CSMD1: variants seen among roughly 807,000 people sequenced by gnomAD.
CSMD1 encodes CUB and Sushi multiple domains 1, also known as CUB and sushi domain-containing protein 1.
Under a neutral mutation model 417.5 loss-of-function variants are expected in CSMD1, and 213 were observed. The ratio of observed to expected loss-of-function variants is 0.51; its 90% confidence interval spans 0.46 to 0.57. The LOEUF is 0.57. Among genes scored for constraint, CSMD1 ranks in the 20% least tolerant of loss-of-function variants. The probability of loss-of-function intolerance (pLI) is 0.00; values close to 1 mark genes in which losing one functional copy is unlikely to be tolerated. For synonymous variants in CSMD1, 2,862 were observed against 1,736.8 expected (o/e 1.65, Z -16.11); for missense variants, 6,923 against 4,529.7 (o/e 1.53, Z -15.17).
intron 6 of CSMD1, among the ~76,000 whole-genome samples, chr8:3,720,655 A>ACACACACACACACACC (rs1435579676): frequency 6.7e-6 from 1 of 148,818 alleles, no homozygotes; most frequent in African/African-American, 2.5e-5. Flanking sequence ...ACACACACAC[A>ACACACACACACACACC]CCAGCACATT....
At chr8:4,865,380 C>T (rs529445097) in intron 1 of CSMD1, among the ~76,000 whole-genome samples, 3 of 151,806 alleles carry the variant, frequency 2.0e-5, no homozygotes, top group Admixed American at 6.6e-5. Flanking sequence ...TTTCTTTCTG[C>T]CTATAACTGA....
intron 26 of CSMD1, among the ~76,000 whole-genome samples, chr8:3,255,365 G>C (rs1800574351): frequency 1.3e-5 from 2 of 152,320 alleles, no homozygotes; most frequent in South Asian, 4.1e-4. Context: ...CTCAAGCTGT[G>C]TGCTGGGAGA....
intron 5 of CSMD1, among the ~76,000 whole-genome samples, chr8:3,872,725 G>T (rs1430210330): frequency 6.6e-6 from 1 of 151,966 alleles, no homozygotes; most frequent in East Asian, 1.9e-4. Context: ...ACTATTAACA[G>T]AGTGAACAGA....
intron 12 of CSMD1, among the ~76,000 whole-genome samples, chr8:3,468,238 A>T (rs995981121): frequency 6.6e-6 from 1 of 152,244 alleles, no homozygotes; most frequent in Non-Finnish European, 1.5e-5. Flanking sequence ...TCAGTTTTCT[A>T]TAACTTGTAA....
intron 5 of CSMD1, among the ~76,000 whole-genome samples, chr8:3,932,386 T>C (rs1190285074): frequency 6.6e-6 from 1 of 150,600 alleles, no homozygotes; most frequent in Non-Finnish European, 1.5e-5. Flanking sequence ...TGTTTTGCTA[T>C]GCCTGCAACA....
At position 3,162,206 on chromosome 8, in the gene CSMD1, C is replaced by T. The variant is rs367709987; in HGVS notation, c.5797G>A (p.Val1933Met). ...CACTGGAAGGAGAGCACGTCGTTCACCATGTACCGATCTCCGATTTTGATG... is the reference window on the plus strand; with the variant it reads ...CACTGGAAGGAGAGCACGTCGTTCATCATGTACCGATCTCCGATTTTGATG... ...NSIKIGDRYM[V>M]NDVLSFQCEP... The change falls in exon 38 of 70, where the codon GTG becomes ATG. Residue 1933 changes from valine to methionine, a missense_variant. By Grantham distance (21) the Val-to-Met change is conservative. Coordinates refer to ENST00000635120, the MANE Select transcript of CSMD1 (RefSeq NM_033225.6). The T allele has an allele frequency of 1.2e-5, 20 of 1,611,214 alleles. No homozygotes were observed. Among genetic ancestry groups the T allele is most frequent in the Non-Finnish European group, 1.6e-5 (19 of 1,178,904 alleles).
At chr8:3,614,649 T>C (rs184060388) in intron 8 of CSMD1, among the ~76,000 whole-genome samples, 1 of 152,338 alleles carries the variant, frequency 6.6e-6, no homozygotes, top group East Asian at 1.9e-4. Context: ...GTTTTTAGAA[T>C]ACAGCTCTGC....
intron 2 of CSMD1, among the ~76,000 whole-genome samples, chr8:4,547,543 C>T (rs1260415762): frequency 6.6e-6 from 1 of 152,138 alleles, no homozygotes; most frequent in African/African-American, 2.4e-5. Context: ...ACTGTATTTA[C>T]CTGTTCGTAG....
chr8:3,441,927 G>A (rs1341593803), intron 12 of CSMD1, among the ~76,000 whole-genome samples: 1 of 152,076 alleles, frequency 6.6e-6, no homozygotes, highest in Non-Finnish European at 1.5e-5. Flanking sequence ...CTGAACATGA[G>A]AGCTTCATTC....
At chr8:3,681,665 T>C (rs1799670075) in intron 7 of CSMD1, among the ~76,000 whole-genome samples, 1 of 152,190 alleles carries the variant, frequency 6.6e-6, no homozygotes, top group Non-Finnish European at 1.5e-5. Context: ...CCAATGACTT[T>C]CTTCACAGAA....
chr8:4,185,693 G>T (rs1382325795), intron 3 of CSMD1, among the ~76,000 whole-genome samples: 1 of 152,122 alleles, frequency 6.6e-6, no homozygotes, highest in African/African-American at 2.4e-5. Context: ...TGTCTAGTTT[G>T]AAGACATGTA....
chr8:4,495,653 T>C (rs572991945), intron 2 of CSMD1, among the ~76,000 whole-genome samples: 5 of 152,216 alleles, frequency 3.3e-5, no homozygotes, highest in African/African-American at 1.2e-4. Context: ...GAAGAATAGA[T>C]GAGATAAAAA....
At position 2,995,518 on chromosome 8, in the gene CSMD1, G is replaced by A. The variant is rs1017502519; in HGVS notation, c.8377+2493C>T. 1.2e-4 allele frequency among the ~76,000 whole-genome samples: 19 copies of A among 152,232 alleles called. No homozygotes were observed. The East Asian group carries it at 1.9e-3, about 15-fold the overall frequency. On this transcript the variant is annotated intron_variant, in intron 54 of 69. Coordinates refer to ENST00000635120, the MANE Select transcript of CSMD1 (RefSeq NM_033225.6). ...TTATAAGACTAAACTTGCAAATACC[G>A]TATGTGCCAGTACCATTTACACTCT...
chr8:4,381,019 G>A (rs1036304540), intron 3 of CSMD1, among the ~76,000 whole-genome samples: 16 of 152,084 alleles, frequency 1.1e-4, no homozygotes, highest in African/African-American at 3.4e-4. Flanking sequence ...CATTTCTCAG[G>A]GCAAATGGGA....
At chr8:4,907,702 G>T (rs1259011937) in intron 1 of CSMD1, among the ~76,000 whole-genome samples, 1 of 149,356 alleles carries the variant, frequency 6.7e-6, no homozygotes, top group Non-Finnish European at 1.5e-5. Flanking sequence ...GGGACCACAG[G>T]CACATGCCAC....
At chr8:4,560,159 C>T (rs1049664440) in intron 2 of CSMD1, among the ~76,000 whole-genome samples, 4 of 152,210 alleles carry the variant, frequency 2.6e-5, no homozygotes, top group African/African-American at 7.2e-5. Flanking sequence ...GAGAAAACCG[C>T]GCTCATCTCA....
intron 3 of CSMD1, among the ~76,000 whole-genome samples, chr8:4,317,621 G>C (rs1358250689): frequency 1.5e-5 from 1 of 65,190 alleles, no homozygotes; most frequent in Non-Finnish European, 3.3e-5. Context: ...GAGAGAAAGA[G>C]AGAGAGAGAG....
intron 1 of CSMD1, among the ~76,000 whole-genome samples, chr8:4,837,071 C>A (rs781475830): frequency 6.6e-6 from 1 of 150,848 alleles, no homozygotes; most frequent in Non-Finnish European, 1.5e-5. Context: ...GGCTCTGGGA[C>A]AGAAAGAAGT....
intron 5 of CSMD1, among the ~76,000 whole-genome samples, chr8:3,879,516 A>C (rs895681526): frequency 1.3e-5 from 2 of 152,318 alleles, no homozygotes; most frequent in East Asian, 3.9e-4. Flanking sequence ...GAGAGCAAGG[A>C]AGATGTAGCT....
Sources: allele counts gnomAD v4.1 joint callset (sites outside exome capture counted in the v4.1 genomes callset), GRCh38; gene constraint gnomAD v4.1.1; transcripts MANE v1.5; gene names NCBI Gene and HGNC (gene_info 2026-07-23, HGNC 2026-07-21).